RGS12: variants seen among roughly 807,000 people sequenced by gnomAD.
RGS12 encodes the protein regulator of G-protein signaling 12.
Under a neutral mutation model 120.1 loss-of-function variants are expected in RGS12, and 66 were observed. The ratio of observed to expected loss-of-function variants is 0.55; its 90% CI spans 0.45 to 0.67. The LOEUF is 0.67. RGS12 is among the 30% of genes least tolerant of loss of function. The probability of loss-of-function intolerance (pLI) is 0.00; values close to 1 mark genes in which losing one functional copy is unlikely to be tolerated. For synonymous variants in RGS12, 827 were observed against 804.7 expected, an observed-to-expected ratio of 1.03 and a Z score of -0.47; for missense variants, 1,859 against 1,957.7, an observed-to-expected ratio of 0.95 and a Z score of 0.95.
intron 2 of RGS12, chr4:3,324,402 G>A: frequency 4.4e-6 from 1 of 227,682 alleles, no homozygotes; most frequent in Non-Finnish European, 8.7e-6. Flanking sequence ...GATGTCCCCT[G>A]TGCCAGTGCT....
chr4:3,395,218 A>G (rs1216633283), intron 4 of RGS12, among the ~76,000 whole-genome samples: 2 of 152,006 alleles, frequency 1.3e-5, no homozygotes, highest in Non-Finnish European at 2.9e-5. Flanking sequence ...AAAAAAAAAA[A>G]AAAAGACTCA....
Position 3,352,165 on chromosome 4 carries a change from A to G in RGS12, c.1998+9112A>G, listed in dbSNP as rs939942332. On this transcript the variant is annotated intron_variant, in intron 3 of 17. Transcript: ENST00000336727. ...TAGTAACCAGAGGGACATTGTCCTTATACCAGAAGGGGCTTGCCAGAAGAG... is the reference window on the plus strand; with the variant it reads ...TAGTAACCAGAGGGACATTGTCCTTGTACCAGAAGGGGCTTGCCAGAAGAG... Among the ~76,000 whole-genome samples the G allele has an allele frequency of 6.6e-5, 10 of 152,200 alleles. No individual in the cohort carries two copies. The East Asian group carries it at 1.2e-3, about 18-fold the overall frequency.
At position 3,417,101 on chromosome 4, in the gene RGS12, C is replaced by A. The variant is rs1301463525; in HGVS notation, c.2607+9C>A. On this transcript the variant is annotated intron_variant, in intron 8 of 17. Coordinates refer to ENST00000336727, the MANE Select transcript of RGS12 (RefSeq NM_001394154.1). ...TGTCCACGCCAAAAAAGGTGACCTC[C>A]CCGAGGCTGGCCTCACGCCCCTGTG... 6.3e-7 allele frequency: 1 copy of A among 1,588,762 alleles called. No individual in the cohort carries two copies. Among genetic ancestry groups the A allele is most frequent in the Admixed American group, 1.7e-5 (1 of 58,952 alleles).
At chr4:3,396,287 A>G (rs1455186688) in intron 4 of RGS12, among the ~76,000 whole-genome samples, 3 of 152,156 alleles carry the variant, frequency 2.0e-5, no homozygotes, top group Non-Finnish European at 4.4e-5. Context: ...GTATCTTGTG[A>G]TGACTGAAAG....
At position 3,423,594 on chromosome 4, in the gene RGS12, G is replaced by A. The variant is rs774892640; in HGVS notation, c.3187G>A (p.Val1063Met). The A allele has an allele frequency of 3.7e-5, 60 of 1,612,190 alleles. No individual in the cohort carries two copies. Among genetic ancestry groups the A allele is most frequent in the Non-Finnish European group, 4.3e-5 (51 of 1,179,932 alleles). Residue 1063 changes from valine to methionine, a missense_variant, in exon 13 of 18, where the codon GTG (valine) becomes ATG (methionine). This residue lies in a region of RGS12 where 375 missense variants were observed against 475.0 expected (regional missense o/e 0.79). Coordinates refer to ENST00000336727, the MANE Select transcript of RGS12 (RefSeq NM_001394154.1). Reference protein sequence around the residue: ...TKPVTEVLRPVVARYGLDLSG... With the variant: ...TKPVTEVLRPMVARYGLDLSG... The stretch of plus-strand genomic sequence containing the variant: ...GCCCGTCACGGAGGTGCTGCGGCCC[G>A]TGGTGGCCAGATACGGCCTGGACCT...
At chr4:3,303,351 C>A (rs1227297804) in intron 1 of RGS12, among the ~76,000 whole-genome samples, 2 of 152,214 alleles carry the variant, frequency 1.3e-5, no homozygotes, top group African/African-American at 4.8e-5. Flanking sequence ...GTGGGAGGGC[C>A]TCCGACTGGA....
intron 3 of RGS12, among the ~76,000 whole-genome samples, chr4:3,375,308 TCCAGCCC>T: frequency 1.2e-5 from 1 of 81,190 alleles, no homozygotes; most frequent in Non-Finnish European, 2.4e-5. Flanking sequence ...AGCCCTCATC[TCCAGCCC>T]TCATCTCCAG....
At chr4:3,436,343 G>A (rs1724805366) in intron 17 of RGS12, among the ~76,000 whole-genome samples, 1 of 152,192 alleles carries the variant, frequency 6.6e-6, no homozygotes, top group Non-Finnish European at 1.5e-5. Context: ...AGTGTGAGCC[G>A]GCTCAGCCTT....
At chr4:3,395,771 C>T (rs1234727630) in intron 4 of RGS12, among the ~76,000 whole-genome samples, 2 of 152,104 alleles carry the variant, frequency 1.3e-5, no homozygotes, top group Non-Finnish European at 2.9e-5. Context: ...AGGTTATCTG[C>T]CTTTCCTTAT....
intron 4 of RGS12, among the ~76,000 whole-genome samples, chr4:3,408,161 G>A (rs1462274728): frequency 6.6e-6 from 1 of 152,186 alleles, no homozygotes; most frequent in Non-Finnish European, 1.5e-5. Flanking sequence ...TTACAGACGT[G>A]GTGGCATCCC....
chr4:3,389,531 A>G lies in RGS12; in HGVS notation c.2020+3094A>G, dbSNP rs28535968. 0.05 allele frequency among the ~76,000 whole-genome samples: 7,682 copies of G among 152,260 alleles called. 615 individuals carry two copies. The highest frequency in any genetic ancestry group is 0.17 in the African/African-American group (7,252 of 41,514). ...CACCTCTCCTGGTCTGGCTCTGCAC[A>G]GAGCTGGAGCCGCGGCCGCACAGAA... On this transcript the variant is annotated intron_variant, in intron 4 of 17. Coordinates refer to ENST00000336727, the MANE Select transcript of RGS12 (RefSeq NM_001394154.1). This position sits in a 1 kb window ranked among gnomAD's most constrained non-coding sequence, Gnocchi z 5.2.
At chr4:3,310,940 G>T (rs1197307349) in intron 1 of RGS12, among the ~76,000 whole-genome samples, 1 of 152,214 alleles carries the variant, frequency 6.6e-6, no homozygotes, top group Non-Finnish European at 1.5e-5. Flanking sequence ...TGTGCTGGTA[G>T]ACAAGTTACT....
At chr4:3,437,198 G>A (rs552778045) in intron 17 of RGS12, among the ~76,000 whole-genome samples, 16 of 152,276 alleles carry the variant, frequency 1.1e-4, no homozygotes, top group Admixed American at 8.5e-4. Context: ...GGGCGAGGCT[G>A]GCTCCCGTAG....
intron 1 of RGS12, among the ~76,000 whole-genome samples, chr4:3,313,278 G>A (rs1056778650): frequency 6.6e-6 from 1 of 152,192 alleles, no homozygotes; most frequent in Non-Finnish European, 1.5e-5. Flanking sequence ...ATCTATTCCT[G>A]TTTGGAAGAG....
chr4:3,416,935 A>G lies in RGS12; in HGVS notation c.2450A>G (p.Asp817Gly). ...CAGATCTTCAATCTCATGAAGTTTG[A>G]TAGCTACACTCGCTTTCTGAAGTCC... Reference protein sequence around the residue: ...QLQIFNLMKFDSYTRFLKSPL... With the variant: ...QLQIFNLMKFGSYTRFLKSPL... The change falls in exon 8 of 18, where the codon GAT becomes GGT. Residue 817 changes from aspartate (D) to glycine (G), a missense_variant. By Grantham distance (94) the Asp-to-Gly change is moderately conservative. This residue lies in a region of RGS12 where 375 missense variants were observed against 475.0 expected (regional missense o/e 0.79). Transcript: ENST00000336727. 6.2e-7 allele frequency: 1 copy of G among 1,606,334 alleles called. No homozygotes were observed.
At chr4:3,353,742 G>T (rs897650994) in intron 3 of RGS12, among the ~76,000 whole-genome samples, 9 of 152,162 alleles carry the variant, frequency 5.9e-5, no homozygotes, top group Non-Finnish European at 1.2e-4. Flanking sequence ...ATGACCATGG[G>T]TGGATCTGTG....
chr4:3,298,700 G>A (rs1029079845), intron 1 of RGS12, among the ~76,000 whole-genome samples: 2 of 152,102 alleles, frequency 1.3e-5, no homozygotes, highest in Non-Finnish European at 2.9e-5. Context: ...GGTTTGCTTT[G>A]TATTTGTCCT....
At chr4:3,344,264 A>C (rs1713573546) in intron 3 of RGS12, among the ~76,000 whole-genome samples, 2 of 151,804 alleles carry the variant, frequency 1.3e-5, no homozygotes, top group East Asian at 1.9e-4. Context: ...TCTCCGGGGA[A>C]CTCGAGGGCA....
chr4:3,391,874 A>T (rs1370158274), intron 4 of RGS12, among the ~76,000 whole-genome samples: 1 of 152,060 alleles, frequency 6.6e-6, no homozygotes, highest in African/African-American at 2.4e-5. Context: ...GAGGATGTTC[A>T]CCTGCAAAAC....
Sources: gnomAD v4.1 joint callset for allele counts (sites outside exome capture counted in the v4.1 genomes callset) on GRCh38, gnomAD v4.1.1 for gene constraint, gnomAD v4.1.1 regional missense constraint, Gnocchi (gnomAD v3.1) non-coding constraint, MANE v1.5 for transcripts, NCBI Gene and HGNC (gene_info 2026-07-23, HGNC 2026-07-21) for gene names.